UTP14A: variants seen among roughly 807,000 people sequenced by gnomAD.
UTP14A encodes UTP14A small subunit processome component.
UTP14A carries 5 observed loss-of-function variants against 57.2 expected under a neutral mutation model. The observed-to-expected ratio is 0.09, with a 90% CI of 0.05 to 0.18. The LOEUF (loss-of-function observed/expected upper bound fraction) is 0.18. Among genes scored for constraint, UTP14A ranks in the 10% least tolerant of loss-of-function variants. The pLI is 1.00. For missense variants in UTP14A, 430 were observed against 562.1 expected, an observed-to-expected ratio of 0.76 and a Z score of 2.38; for synonymous variants, 169 against 210.9, an observed-to-expected ratio of 0.80 and a Z score of 1.72.
At chrX:129,914,315 G>A (rs189269218) in intron 6 of UTP14A, among the ~76,000 whole-genome samples, 71 of 111,464 alleles carry the variant, frequency 6.4e-4, no homozygotes, top group African/African-American at 2.1e-3. Context: ...GGTGGCTCAC[G>A]CCTATAATCC....
intron 11 of UTP14A, 146 bp downstream of exon 11, chrX:129,921,733 G>T: frequency 1.7e-6 from 1 of 586,134 alleles, no homozygotes. Flanking sequence ...GATCCCTGAA[G>T]AGAAATTAGA....
At chrX:129,922,646 G>A (rs1380590113) in intron 11 of UTP14A, 1 of 109,785 alleles carries the variant, frequency 9.1e-6, no homozygotes, top group African/African-American at 3.3e-5. Context: ...TGAATTCCTG[G>A]CCTCAAGCTA....
intron 4 of UTP14A, among the ~76,000 whole-genome samples, chrX:129,910,504 G>A (rs1263363256): frequency 9.0e-6 from 1 of 110,911 alleles, no homozygotes; most frequent in Admixed American, 9.6e-5. Context: ...GGGCAACATG[G>A]CAAAACCCCA....
chrX:129,926,599 A>G (rs1263885807), intron 14 of UTP14A, among the ~76,000 whole-genome samples: 1 of 112,577 alleles, frequency 8.9e-6, no homozygotes, highest in Non-Finnish European at 1.9e-5. Context: ...CTTAAGAAAA[A>G]TGAAGACAAA....
intron 4 of UTP14A, among the ~76,000 whole-genome samples, 190 bp from the exon 5 acceptor site, chrX:129,910,818 C>T (rs1439478354): frequency 2.7e-5 from 3 of 112,692 alleles, no homozygotes; most frequent in African/African-American, 6.4e-5. Flanking sequence ...CCCCCTAACA[C>T]GTTTGGGGAT....
At position 129,929,675 on chromosome X, in the gene UTP14A, A is replaced by AG. The variant is rs1930245861; in HGVS notation, c.*70dup. 4 of 1,151,655 alleles carry AG rather than the reference A, an allele frequency of 3.5e-6. No individual in the cohort carries two copies. The highest frequency in any genetic ancestry group is 4.7e-6 in the Non-Finnish European group (4 of 856,795). The allele number at this position is 1,151,655 out of a possible 1,213,427, so 94.9% of individuals were successfully genotyped here. On this transcript the variant is annotated 3_prime_UTR_variant, in exon 15 of 15. Coordinates refer to ENST00000394422, the MANE Select transcript of UTP14A (RefSeq NM_006649.4). The stretch of plus-strand genomic sequence containing the variant: ...CTTTGGTCCAGTTTTACTCTGATAC[A>AG]GGGTGGATTCCAAAACTGGCTCAGT...
chrX:129,912,219 TCTC>T (rs1378411318), intron 6 of UTP14A, among the ~76,000 whole-genome samples: 7 of 109,535 alleles, frequency 6.4e-5, no homozygotes, highest in African/African-American at 2.3e-4. Context: ...TTCAAGCAAT[TCTC>T]CTGCCTCAGC....
At position 129,915,951 on chromosome X, in the gene UTP14A, C is replaced by CTT. The variant is rs767150196; in HGVS notation, c.538-3205_538-3204dup. On this transcript the variant is annotated intron_variant, in intron 6 of 14. Coordinates refer to ENST00000394422, the MANE Select transcript of UTP14A (RefSeq NM_006649.4). Reference sequence around the variant, plus strand: ...TATTCTTGCTCTGTAAATTCCATGACTTTTTTTTTTTTTTTTTTTTGAGAC... The same window carrying CTT: ...TATTCTTGCTCTGTAAATTCCATGACTTTTTTTTTTTTTTTTTTTTTTGAGAC... 1.3e-3 allele frequency among the ~76,000 whole-genome samples: 106 copies of CTT among 81,912 alleles called. 1 individual carries two copies. Among genetic ancestry groups the CTT allele is most frequent in the Middle Eastern group, 6.3e-3 (1 of 158 alleles). The allele number at this position is 81,912 out of a possible 115,157, so 71.1% of individuals were successfully genotyped here.
At chrX:129,928,921 G>T (rs866613101) in intron 14 of UTP14A, among the ~76,000 whole-genome samples, 2 of 110,593 alleles carry the variant, frequency 1.8e-5, no homozygotes, top group Non-Finnish European at 3.8e-5. Flanking sequence ...TGGAGCTCCT[G>T]TAGCTAGATA....
intron 6 of UTP14A, among the ~76,000 whole-genome samples, chrX:129,913,965 AAT>A (rs1929580999): frequency 9.0e-6 from 1 of 111,593 alleles, no homozygotes; most frequent in African/African-American, 3.3e-5. Context: ...TGTGCAATAG[AAT>A]GAGACTCTGT....
intron 6 of UTP14A, among the ~76,000 whole-genome samples, chrX:129,914,409 T>G (rs1929600694): frequency 9.0e-6 from 1 of 110,648 alleles, no homozygotes; most frequent in Non-Finnish European, 1.9e-5. Flanking sequence ...AAACCTCGTC[T>G]TTACTAAAAA....
chrX:129,913,997 T>G (rs921045712), intron 6 of UTP14A, among the ~76,000 whole-genome samples: 34 of 110,494 alleles, frequency 3.1e-4, no homozygotes, highest in African/African-American at 1.1e-3. Context: ...TATATATAAA[T>G]AAATAAAAAA....
intron 1 of UTP14A, 82 bp downstream of exon 1, chrX:129,906,318 C>A: frequency 1.0e-6 from 1 of 974,874 alleles, no homozygotes; most frequent in South Asian, 2.0e-5. Flanking sequence ...GGAGCCCCCC[C>A]TTTAACAGAT....
intron 14 of UTP14A, 129 bp from the exon 15 acceptor site, chrX:129,929,207 T>C: frequency 1.2e-6 from 1 of 838,771 alleles, no homozygotes; most frequent in Non-Finnish European, 1.7e-6. Flanking sequence ...GACCTCTCAG[T>C]CTCTTCACTT....
rs761534056 is a variant in UTP14A at position 129,921,544 on chromosome X, G to C, written c.1305G>C (p.Glu435Asp). 8.3e-5 allele frequency: 100 copies of C among 1,209,020 alleles called. 3 individuals are homozygous for C. In the South Asian group the frequency reaches 1.6e-3, roughly 20 times the overall value. The change falls in exon 11 of 15, where the codon GAG becomes GAC. Residue 435 changes from glutamate (E) to aspartate (D), a missense_variant. Transcript: ENST00000394422. ...GGCGATCCCTTAGAAAAAGATCTGA[G>C]CTCAGCCAAGATGCTGAGCCAGCAG... ...EERRSLRKRS[E>D]LSQDAEPAGS...
chrX:129,924,945 T>G lies in UTP14A; in HGVS notation c.1499T>G (p.Leu500Arg). 1 of 1,211,513 alleles carries G rather than the reference T, an allele frequency of 8.3e-7. No homozygotes were observed. The highest frequency in any genetic ancestry group is 1.1e-6 in the Non-Finnish European group (1 of 895,496). The change falls in exon 12 of 15, where the codon CTG becomes CGG. Residue 500 changes from leucine to arginine, a missense_variant. Leu to Arg is a moderately radical substitution (Grantham distance 102). Coordinates refer to ENST00000394422, the MANE Select transcript of UTP14A (RefSeq NM_006649.4). ...CCTGCCCCAGAAGAAGAGGAGCCCCTGTTGCTACAGAGACCAGAGAGAGTA... is the reference window on the plus strand; with the variant it reads ...CCTGCCCCAGAAGAAGAGGAGCCCCGGTTGCTACAGAGACCAGAGAGAGTA... ...EEPAPEEEEP[L>R]LLQRPERVQT...
chrX:129,913,875 G>A (rs1230480374), intron 6 of UTP14A, among the ~76,000 whole-genome samples: 1 of 111,767 alleles, frequency 8.9e-6, no homozygotes. Context: ...CAGCTACTAG[G>A]GGGGCTGAGG....
chrX:129,908,037 GT>G, intron 2 of UTP14A, 22 bp from the exon 3 acceptor site: 1 of 1,189,713 alleles, frequency 8.4e-7, no homozygotes, highest in Non-Finnish European at 1.1e-6. Context: ...CATCCTGATT[GT>G]TTTTCCTTTT....
chrX:129,906,722 A>C (rs1466577618), intron 1 of UTP14A, among the ~76,000 whole-genome samples: 1 of 101,184 alleles, frequency 9.9e-6, no homozygotes, highest in Non-Finnish European at 2.0e-5. Context: ...CTAATAATAT[A>C]TGCTGTTAGG....
Sources: gnomAD v4.1 joint callset for allele counts (sites outside exome capture counted in the v4.1 genomes callset) on GRCh38, gnomAD v4.1.1 for gene constraint, MANE v1.5 for transcripts, NCBI Gene and HGNC (gene_info 2026-07-23, HGNC 2026-07-21) for gene names.